Variants in HSF5 observed in about 807,000 individuals in gnomAD.
HSF5 encodes heat shock factor protein 5.
Under a neutral mutation model 50.8 loss-of-function variants are expected in HSF5, and 5 were observed. That is an observed-to-expected ratio of 0.10 (90% confidence interval 0.05 to 0.21). The LOEUF is 0.21. HSF5 is among the 10% of genes least tolerant of loss of function. HSF5 has a pLI of 1.00. For missense variants in HSF5, 564 were observed against 762.6 expected (o/e 0.74, Z 3.07); for synonymous variants, 307 against 307.4 (o/e 1.00, Z 0.02).
chr17:58,440,079 T>C (rs1974479950), intron 5 of HSF5, among the ~76,000 whole-genome samples: 1 of 151,896 alleles, frequency 6.6e-6, no homozygotes. Flanking sequence ...GGACAGATGA[T>C]AGAAACAATA....
At chr17:58,476,180 TC>T in intron 2 of HSF5, 1 of 956,778 alleles carries the variant, frequency 1.0e-6, no homozygotes, top group Non-Finnish European at 1.6e-6. Context: ...ATCATCATCT[TC>T]ATCTTCTTCA....
In HSF5 at chr17:58,456,127, ATATG is replaced by A. The variant is rs201872755; in HGVS notation, c.1720+2637_1720+2640del. 6.0e-3 allele frequency among the ~76,000 whole-genome samples: 876 copies of A among 146,290 alleles called. 4 individuals are homozygous for A. Among genetic ancestry groups the A allele is most frequent in the African/African-American group, 9.6e-3 (383 of 39,732 alleles). On this transcript the variant is annotated intron_variant, in intron 5 of 5. Transcript: ENST00000323777. ...TAAAGAAAATGTGATATATATATATATATGTGTGTGTGTATATATATATATGTGT... is the reference window on the plus strand; with the variant it reads ...TAAAGAAAATGTGATATATATATATATGTGTGTGTATATATATATATGTGT...
rs1374263494 is a variant in HSF5 at position 58,421,357 on chromosome 17, A to C, written c.*1003T>G. The C allele has an allele frequency of 6.6e-6, 1 of 152,624 alleles. No homozygotes were observed. Among genetic ancestry groups the C allele is most frequent in the Non-Finnish European group, 1.5e-5 (1 of 68,024 alleles). The allele number at this position is 152,624 out of a possible 1,614,324, so 9.5% of individuals were successfully genotyped here. ...ATGGCTGCTAATCAGTTTTTTCCCA[A>C]ATTTGCACACAATACCTTATATAGA... On this transcript the variant is annotated 3_prime_UTR_variant, in exon 6 of 6. Coordinates refer to ENST00000323777, the MANE Select transcript of HSF5 (RefSeq NM_001080439.3).
intron 5 of HSF5, among the ~76,000 whole-genome samples, chr17:58,438,278 T>C (rs1974453034): frequency 6.6e-6 from 1 of 152,204 alleles, no homozygotes; most frequent in South Asian, 2.1e-4. Flanking sequence ...TAACATGCTG[T>C]AAGGGTTTGT....
intron 5 of HSF5, among the ~76,000 whole-genome samples, chr17:58,434,825 C>T (rs939493312): frequency 6.6e-5 from 10 of 152,084 alleles, no homozygotes; most frequent in South Asian, 6.2e-4. Flanking sequence ...TACACTCCAG[C>T]GTGGATGACA....
chr17:58,485,746 C>CA (rs35831142), intron 1 of HSF5, among the ~76,000 whole-genome samples: 52,285 of 115,448 alleles, frequency 0.45, 10,759 homozygotes, highest in African/African-American at 0.49. Flanking sequence ...AACCCTATCT[C>CA]AAAAAAAAAA....
intron 5 of HSF5, among the ~76,000 whole-genome samples, chr17:58,448,157 T>A (rs1347691446): frequency 0.01 from 1,031 of 99,156 alleles, no homozygotes; most frequent in African/African-American, 0.014. Flanking sequence ...AAAAAAAAGG[T>A]AGAAAGAAAG....
chr17:58,448,133 C>CA (rs33943640), intron 5 of HSF5, among the ~76,000 whole-genome samples: 3,375 of 81,920 alleles, frequency 0.041, 158 homozygotes, highest in East Asian at 0.071. Flanking sequence ...GAACCTGTCT[C>CA]AAAAAAAAAA....
rs371750381 is a variant in HSF5, at chr17:58,433,086, T to G, written c.1721-10656A>C. On this transcript the variant is annotated intron_variant, in intron 5 of 5. Coordinates refer to ENST00000323777, the MANE Select transcript of HSF5 (RefSeq NM_001080439.3). ...TGGAGTGCAGTGGCACAATCACAGC[T>G]CACTACAACCTCTGCCTCCCAGGCT... Among the ~76,000 whole-genome samples, 4 of 152,306 alleles carry G rather than the reference T, an allele frequency of 2.6e-5. No homozygotes were observed. In the East Asian group the frequency reaches 7.7e-4, roughly 29 times the overall value.
intron 4 of HSF5, among the ~76,000 whole-genome samples, chr17:58,461,425 A>G (rs1974792156): frequency 6.6e-6 from 1 of 152,190 alleles, no homozygotes; most frequent in Admixed American, 6.5e-5. Context: ...AAAACCTGCC[A>G]AAAGTTATCT....
At chr17:58,459,679 C>T (rs969285316) in intron 4 of HSF5, among the ~76,000 whole-genome samples, 1 of 150,490 alleles carries the variant, frequency 6.6e-6, no homozygotes, top group Non-Finnish European at 1.5e-5. Context: ...TTTGTAGAGA[C>T]AGGGTCTCGC....
intron 1 of HSF5, among the ~76,000 whole-genome samples, chr17:58,487,352 T>C (rs1345532887): frequency 1.3e-5 from 2 of 152,250 alleles, no homozygotes; most frequent in Admixed American, 6.5e-5. Flanking sequence ...TGAGTCCACA[T>C]GTTTACAGTG....
intron 2 of HSF5, among the ~76,000 whole-genome samples, chr17:58,469,018 C>A (rs1266147414): frequency 3.5e-5 from 5 of 141,190 alleles, no homozygotes; most frequent in African/African-American, 1.3e-4. Flanking sequence ...TTTGACAGCA[C>A]AAATATCCTA....
chr17:58,467,789 T>C (rs1974888392), intron 2 of HSF5, among the ~76,000 whole-genome samples: 1 of 152,234 alleles, frequency 6.6e-6, no homozygotes, highest in African/African-American at 2.4e-5. Flanking sequence ...GTCAGGACAC[T>C]GTGAAAAGAT....
intron 2 of HSF5, among the ~76,000 whole-genome samples, chr17:58,470,425 T>C (rs1391069328): frequency 2.0e-5 from 3 of 152,164 alleles, no homozygotes; most frequent in East Asian, 1.9e-4. Context: ...AGGACAAATA[T>C]TATACGATTC....
chr17:58,486,353 G>A (rs952246560), intron 1 of HSF5, among the ~76,000 whole-genome samples: 18 of 152,230 alleles, frequency 1.2e-4, no homozygotes, highest in Non-Finnish European at 2.5e-4. Context: ...TGACAAGAGC[G>A]AAACTCCGTC....
chr17:58,425,514 T>C (rs1974283167), intron 5 of HSF5, among the ~76,000 whole-genome samples: 2 of 139,486 alleles, frequency 1.4e-5, no homozygotes, highest in African/African-American at 5.4e-5. Context: ...CAGTGTCCTA[T>C]GATTGCATCT....
intron 5 of HSF5, among the ~76,000 whole-genome samples, chr17:58,448,133 C>CAAA (rs33943640): frequency 1.2e-4 from 10 of 82,020 alleles, no homozygotes; most frequent in South Asian, 4.3e-4. Context: ...GAACCTGTCT[C>CAAA]AAAAAAAAAA....
chr17:58,470,587 T>C (rs954580565), intron 2 of HSF5, among the ~76,000 whole-genome samples: 1 of 152,202 alleles, frequency 6.6e-6, no homozygotes, highest in African/African-American at 2.4e-5. Flanking sequence ...TGCACAATAT[T>C]GTGAATATAA....
Sources: gnomAD v4.1 joint callset for allele counts (sites outside exome capture counted in the v4.1 genomes callset) on GRCh38, gnomAD v4.1.1 for gene constraint, MANE v1.5 for transcripts, NCBI Gene and HGNC (gene_info 2026-07-23, HGNC 2026-07-21) for gene names.